Variants in DISC1 observed in about 807,000 individuals in gnomAD.
DISC1 encodes disrupted in schizophrenia 1 protein.
A neutral mutation model predicts 84.5 loss-of-function variants in DISC1; 57 were observed. The observed-to-expected ratio is 0.67, with a 90% CI of 0.55 to 0.84. The LOEUF (loss-of-function observed/expected upper bound fraction) is 0.84. DISC1 is among the 40% of genes least tolerant of loss of function. The pLI, the probability that DISC1 is intolerant of heterozygous loss-of-function variation, is 0.00. For synonymous variants in DISC1, 411 were observed against 415.2 expected, an observed-to-expected ratio of 0.99 and a Z score of 0.12; for missense variants, 1,000 against 1,057.8, an observed-to-expected ratio of 0.95 and a Z score of 0.76.
chr1:231,654,712 T>G (rs924757582), intron 1 of DISC1, among the ~76,000 whole-genome samples: 1 of 152,210 alleles, frequency 6.6e-6, no homozygotes, highest in East Asian at 1.9e-4. Flanking sequence ...CATGCAGTAT[T>G]TTTCTTTCTG....
intron 8 of DISC1, among the ~76,000 whole-genome samples, chr1:231,802,493 G>A (rs1021090619): frequency 6.6e-6 from 1 of 152,092 alleles, no homozygotes; most frequent in African/African-American, 2.4e-5. Context: ...AGTCTCAGGT[G>A]GTATCTTTAT....
At chr1:231,663,481 C>G (rs1005129202) in intron 1 of DISC1, among the ~76,000 whole-genome samples, 19 of 152,154 alleles carry the variant, frequency 1.2e-4, no homozygotes, top group Non-Finnish European at 2.2e-4. Flanking sequence ...TTCCTGCTGG[C>G]ATTTAAGTCC....
At chr1:231,784,301 G>T (rs2077667750) in intron 6 of DISC1, among the ~76,000 whole-genome samples, 1 of 151,434 alleles carries the variant, frequency 6.6e-6, no homozygotes, top group Admixed American at 6.6e-5. Flanking sequence ...TTTTCAGTTT[G>T]CTGAGTTATT....
chr1:231,669,642 T>C (rs976759214), intron 1 of DISC1, among the ~76,000 whole-genome samples: 1 of 152,076 alleles, frequency 6.6e-6, no homozygotes, highest in African/African-American at 2.4e-5. Context: ...TCACTGATCA[T>C]GAGAGAGGTG....
chr1:232,029,939 ACCAAT>A (rs1250461520), intron 12 of DISC1, among the ~76,000 whole-genome samples: 3 of 152,150 alleles, frequency 2.0e-5, no homozygotes, highest in African/African-American at 4.8e-5. Flanking sequence ...ACACTGATTG[ACCAAT>A]CCAAGGAGGG....
chr1:231,973,255 C>T (rs1027424080), intron 10 of DISC1, among the ~76,000 whole-genome samples: 2 of 152,164 alleles, frequency 1.3e-5, no homozygotes, highest in Non-Finnish European at 2.9e-5. Context: ...ACCATATTGG[C>T]CAGGCTGGTC....
intron 9 of DISC1, among the ~76,000 whole-genome samples, chr1:231,872,032 C>A (rs1344256131): frequency 6.6e-6 from 1 of 152,182 alleles, no homozygotes; most frequent in Non-Finnish European, 1.5e-5. Flanking sequence ...CAGGCAGAGG[C>A]CCTCAGCCGT....
chr1:231,878,268 T>C (rs2086037699), intron 9 of DISC1, among the ~76,000 whole-genome samples: 1 of 151,868 alleles, frequency 6.6e-6, no homozygotes, highest in South Asian at 2.1e-4. Flanking sequence ...ACAAGTGACA[T>C]GAAGGAAGGT....
intron 10 of DISC1, among the ~76,000 whole-genome samples, chr1:232,002,114 A>G (rs1666760543): frequency 6.6e-6 from 1 of 152,204 alleles, no homozygotes; most frequent in Non-Finnish European, 1.5e-5. Context: ...GCAAAGAAGC[A>G]CGTGAAAAGA....
chr1:231,864,771 G>T (rs950474797), intron 9 of DISC1, among the ~76,000 whole-genome samples: 3 of 152,068 alleles, frequency 2.0e-5, no homozygotes, highest in South Asian at 4.1e-4. Context: ...TGTTAAGAAG[G>T]CTTCCTTATA....
intron 4 of DISC1, among the ~76,000 whole-genome samples, chr1:231,765,512 G>A (rs139614223): frequency 6.6e-6 from 1 of 152,046 alleles, no homozygotes; most frequent in East Asian, 1.9e-4. Flanking sequence ...CCCACTTGTC[G>A]TTCGCCTATT....
At chr1:231,683,745 A>G in intron 1 of DISC1, among the ~76,000 whole-genome samples, 1 of 150,848 alleles carries the variant, frequency 6.6e-6, no homozygotes, top group African/African-American at 2.4e-5. Flanking sequence ...CTTGCATGGC[A>G]TGTGTTTCCA....
chr1:231,833,717 C>A (rs1048552397), intron 9 of DISC1, among the ~76,000 whole-genome samples: 2 of 152,134 alleles, frequency 1.3e-5, no homozygotes, highest in Admixed American at 6.5e-5. Flanking sequence ...CTGGTCACTG[C>A]GGTTTAGGCA....
chr1:231,775,647 T>C (rs1396733290), intron 6 of DISC1, among the ~76,000 whole-genome samples: 6 of 152,058 alleles, frequency 3.9e-5, no homozygotes, highest in Non-Finnish European at 8.8e-5. Context: ...AATGAGGAGC[T>C]CCACAGTATG....
intron 1 of DISC1, among the ~76,000 whole-genome samples, chr1:231,644,479 C>T (rs1232088055): frequency 2.0e-5 from 3 of 152,170 alleles, no homozygotes; most frequent in Non-Finnish European, 2.9e-5. Context: ...AGAAAAACTT[C>T]CTGATTCTGG....
intron 3 of DISC1, among the ~76,000 whole-genome samples, chr1:231,737,464 A>C (rs1242160986): frequency 1.3e-5 from 2 of 152,250 alleles, no homozygotes; most frequent in Non-Finnish European, 2.9e-5. Flanking sequence ...TATAAACTGA[A>C]ATCACATTAA....
At position 231,989,901 on chromosome 1, in the gene DISC1, G is replaced by A. The variant is rs1303093379; in HGVS notation, c.2043-18884G>A. The stretch of plus-strand genomic sequence containing the variant: ...TACCTAACGCTGTGCGACTGCAAGC[G>A]GTGGAGCTGGGCTTTGAACCTATGC... On this transcript the variant is annotated intron_variant, in intron 10 of 12. Coordinates refer to ENST00000439617, the MANE Select transcript of DISC1 (RefSeq NM_018662.3). 2.6e-5 allele frequency among the ~76,000 whole-genome samples: 4 copies of A among 152,308 alleles called. No individual in the cohort carries two copies. In the East Asian group the frequency reaches 5.8e-4, roughly 22 times the overall value.
chr1:231,759,670 C>T (rs559690676), intron 4 of DISC1, among the ~76,000 whole-genome samples: 1 of 152,044 alleles, frequency 6.6e-6, no homozygotes, highest in Non-Finnish European at 1.5e-5. Flanking sequence ...TACACCACTG[C>T]ACTCCAGCCT....
chr1:231,996,670 C>G (rs1043651416), intron 10 of DISC1, among the ~76,000 whole-genome samples: 1 of 152,140 alleles, frequency 6.6e-6, no homozygotes, highest in Non-Finnish European at 1.5e-5. Flanking sequence ...CCCAGAGCAC[C>G]ATTCCCCATA....
Sources: allele counts gnomAD v4.1 joint callset (sites outside exome capture counted in the v4.1 genomes callset), GRCh38; gene constraint gnomAD v4.1.1; transcripts MANE v1.5; gene names NCBI Gene and HGNC (gene_info 2026-07-23, HGNC 2026-07-21).